DNAI2: variants seen among roughly 807,000 people sequenced by gnomAD.
DNAI2 encodes the protein dynein, axonemal, intermediate polypeptide 2.
In DNAI2, 63 loss-of-function variants were observed where a neutral mutation model predicts 74.7. That is an observed-to-expected ratio of 0.84 (90% CI 0.69 to 1.04). The LOEUF is 1.04. DNAI2 is among the 50% of genes least tolerant of loss of function. The pLI is 0.00. For synonymous variants in DNAI2, 289 were observed against 314.9 expected (o/e 0.92, Z 0.87); for missense variants, 688 against 803.2 (o/e 0.86, Z 1.73).
At chr17:74,310,363 T>C (rs2053450731) in intron 11 of DNAI2, among the ~76,000 whole-genome samples, 200 bp downstream of exon 11, 1 of 150,726 alleles carries the variant, frequency 6.6e-6, no homozygotes, top group East Asian at 2.0e-4. Flanking sequence ...GGTAGCTAAG[T>C]GGCCTTCAGT....
chr17:74,282,939 G>A (rs373358488), intron 2 of DNAI2, among the ~76,000 whole-genome samples: 94 of 152,348 alleles, frequency 6.2e-4, no homozygotes, highest in Middle Eastern at 3.4e-3. Flanking sequence ...CTGCTCCCCC[G>A]GGGATGAGAA....
intron 9 of DNAI2, among the ~76,000 whole-genome samples, chr17:74,308,607 G>A (rs1311491917): frequency 6.6e-6 from 1 of 151,922 alleles, no homozygotes; most frequent in Non-Finnish European, 1.5e-5. Context: ...CTGCAGCCTC[G>A]ACCTCCTGGG....
intron 3 of DNAI2, among the ~76,000 whole-genome samples, chr17:74,286,743 T>C (rs1041059048): frequency 6.6e-6 from 1 of 152,198 alleles, no homozygotes; most frequent in Admixed American, 6.5e-5. Flanking sequence ...GTTAATGCTA[T>C]AGACATACTG....
chr17:74,309,072 A>T (rs1033435506), intron 9 of DNAI2, among the ~76,000 whole-genome samples, 181 bp from the exon 10 acceptor site: 1 of 151,580 alleles, frequency 6.6e-6, no homozygotes, highest in Non-Finnish European at 1.5e-5. Flanking sequence ...AAAAAAAAAA[A>T]AAAAAAAGCA....
At chr17:74,313,922 G>C (rs940106958) in intron 12 of DNAI2, 199 bp from the exon 13 acceptor site, 22 of 732,974 alleles carry the variant, frequency 3.0e-5, no homozygotes, top group Admixed American at 5.3e-5. Context: ...AAGTCTGCCA[G>C]ATTCCCCCAG....
chr17:74,312,724 T>C (rs892594860), intron 12 of DNAI2, among the ~76,000 whole-genome samples: 4 of 152,224 alleles, frequency 2.6e-5, no homozygotes, highest in African/African-American at 9.6e-5. Flanking sequence ...TAAAGCACTT[T>C]CTAGCTGTAT....
chr17:74,306,499 G>A (rs1207684766), intron 9 of DNAI2, among the ~76,000 whole-genome samples: 1 of 151,908 alleles, frequency 6.6e-6, no homozygotes, highest in Non-Finnish European at 1.5e-5. Flanking sequence ...TTCCTTTCCT[G>A]CCCACAGAAC....
At chr17:74,285,968 T>TAGAGAG (rs1475354910) in intron 3 of DNAI2, among the ~76,000 whole-genome samples, 1 of 137,100 alleles carries the variant, frequency 7.3e-6, no homozygotes, top group Non-Finnish European at 1.6e-5. Context: ...CATATATATA[T>TAGAGAG]ATAGAGAGAG....
chr17:74,314,635 T>C lies in DNAI2; in HGVS notation c.*102T>C. The C allele has an allele frequency of 4.9e-6, 1 of 202,048 alleles. No homozygotes were observed. Among genetic ancestry groups the C allele is most frequent in the South Asian group, 7.8e-5 (1 of 12,802 alleles). The allele number at this position is 202,048 out of a possible 1,614,324, so 12.5% of individuals were successfully genotyped here. On this transcript the variant is annotated 3_prime_UTR_variant, in exon 14 of 14. Coordinates refer to ENST00000311014, the MANE Select transcript of DNAI2 (RefSeq NM_023036.6). ...GCCATGGCAGGGCCTCGGGAAGACC[T>C]TCAGGAGTGGGGAAGGGTTTCTCCT...
chr17:74,307,208 C>T (rs1044407526), intron 9 of DNAI2: 2 of 455,752 alleles, frequency 4.4e-6, no homozygotes, highest in Admixed American at 2.4e-5. Context: ...TCTTCAGGTC[C>T]TGCAGGCTGC....
intron 6 of DNAI2, among the ~76,000 whole-genome samples, chr17:74,298,888 C>T (rs537677280): frequency 3.9e-5 from 6 of 152,192 alleles, no homozygotes; most frequent in Admixed American, 6.5e-5. Context: ...CCTCCTAATG[C>T]GCTAGGATTA....
chr17:74,289,716 A>G lies in DNAI2; in HGVS notation c.590A>G (p.Asp197Gly). ...CGGGCACCTGTGGGCATGAGCAGCG[A>G]TTCATACATCTGGGACCTGGGTGAG... ...FQRAPVGMSS[D>G]SYIWDLENPN... is the part of the protein sequence containing the mutation. Residue 197 changes from aspartate to glycine, a missense_variant, in exon 5 of 14, where the codon GAT becomes GGT. Transcript: ENST00000311014. The G allele has an allele frequency of 6.2e-7, 1 of 1,613,920 alleles. No individual in the cohort carries two copies. Among genetic ancestry groups the G allele is most frequent in the South Asian group, 1.1e-5 (1 of 91,062 alleles).
In DNAI2 at chr17:74,300,139, T is replaced by C. The variant is rs963901694; in HGVS notation, c.864+282T>C. Among the ~76,000 whole-genome samples, 1 of 152,148 alleles carries C rather than the reference T, an allele frequency of 6.6e-6. No homozygotes were observed. The highest frequency in any genetic ancestry group is 1.5e-5 in the Non-Finnish European group (1 of 68,022). On this transcript the variant is annotated intron_variant, in intron 7 of 13. Coordinates refer to ENST00000311014, the MANE Select transcript of DNAI2 (RefSeq NM_023036.6). This position sits in a 1 kb window ranked among gnomAD's most constrained non-coding sequence, Gnocchi z 4.5. The stretch of plus-strand genomic sequence containing the variant: ...AATTTTTTATTTTTAGTAGAGATGG[T>C]GCTTCACTATGTTGGCCAGGCTGGT...
At chr17:74,314,498 C>T in intron 13 of DNAI2, 91 bp from the exon 14 acceptor site, 1 of 435,528 alleles carries the variant, frequency 2.3e-6, no homozygotes. Context: ...CACCCCAAGG[C>T]CGAGGCCACC....
At chr17:74,305,637 C>T (rs1309937763) in intron 9 of DNAI2, among the ~76,000 whole-genome samples, 195 bp downstream of exon 9, 3 of 149,088 alleles carry the variant, frequency 2.0e-5, no homozygotes, top group Non-Finnish European at 4.5e-5. Flanking sequence ...CACTCAGTTA[C>T]TAAAAATAAT....
At chr17:74,313,926 C>A in intron 12 of DNAI2, 195 bp from the exon 13 acceptor site, 1 of 749,684 alleles carries the variant, frequency 1.3e-6, no homozygotes, top group Non-Finnish European at 2.1e-6. Flanking sequence ...CTGCCAGATT[C>A]CCCCAGCTCT....
chr17:74,310,093 C>G lies in DNAI2; in HGVS notation c.1424C>G (p.Thr475Arg), dbSNP rs1457490440. Reference sequence around the variant, plus strand: ...ATCGCCTGCGGCTCCCAGCTGGGGACAACCACCCTGCTGGAGGTCTCGCCT... The same window carrying G: ...ATCGCCTGCGGCTCCCAGCTGGGGAGAACCACCCTGCTGGAGGTCTCGCCT... The part of the protein sequence containing the change: ...CLIACGSQLG[T>R]TTLLEVSPGL... Residue 475 changes from threonine to arginine, a missense_variant, in exon 11 of 14, where the codon ACA becomes AGA. Physicochemically the swap from Thr to Arg is moderately conservative, Grantham distance 71. Coordinates refer to ENST00000311014, the MANE Select transcript of DNAI2 (RefSeq NM_023036.6). 1 of 1,613,744 alleles carries G rather than the reference C, an allele frequency of 6.2e-7. No individual in the cohort carries two copies. The highest frequency in any genetic ancestry group is 8.5e-7 in the Non-Finnish European group (1 of 1,180,028).
intron 6 of DNAI2, 108 bp downstream of exon 6, chr17:74,291,241 A>G: frequency 1.2e-6 from 1 of 821,276 alleles, no homozygotes; most frequent in Admixed American, 2.3e-5. Context: ...GCTCACTGCA[A>G]CCTCCGCCTC....
At chr17:74,295,930 C>T (rs1192804211) in intron 6 of DNAI2, among the ~76,000 whole-genome samples, 1 of 152,130 alleles carries the variant, frequency 6.6e-6, no homozygotes, top group Non-Finnish European at 1.5e-5. Context: ...GCTCTGTGTG[C>T]GTGTGTGAGC....
Sources: allele counts gnomAD v4.1 joint callset (sites outside exome capture counted in the v4.1 genomes callset), GRCh38; gene constraint gnomAD v4.1.1; non-coding constraint Gnocchi (gnomAD v3.1); transcripts MANE v1.5; gene names NCBI Gene and HGNC (gene_info 2026-07-23, HGNC 2026-07-21).